The following CDH8 variants were observed in gnomAD, a reference collection of about 807,000 sequenced individuals.
CDH8 encodes the protein cadherin 8, also known as cadherin-8.
CDH8 carries 17 observed loss-of-function variants against 68.1 expected under a neutral mutation model. The ratio of observed to expected loss-of-function variants is 0.25; its 90% CI spans 0.17 to 0.37. The LOEUF is 0.37. Ranked by LOEUF, CDH8 falls within the 10% of genes least tolerant of loss-of-function variation. The probability of loss-of-function intolerance (pLI) is 1.00; values close to 1 mark genes in which losing one functional copy is unlikely to be tolerated. For missense variants in CDH8, 763 were observed against 999.3 expected (o/e 0.76, Z 3.19); for synonymous variants, 372 against 365.1 (o/e 1.02, Z -0.21).
intron 3 of CDH8, among the ~76,000 whole-genome samples, chr16:61,898,084 G>C (rs890307751): frequency 2.0e-5 from 3 of 152,028 alleles, no homozygotes; most frequent in Non-Finnish European, 2.9e-5. Flanking sequence ...GGCAGATCAC[G>C]AGGTCAGGAG....
intron 2 of CDH8, among the ~76,000 whole-genome samples, chr16:61,956,407 C>G (rs1022678514): frequency 1.3e-5 from 2 of 151,862 alleles, no homozygotes; most frequent in Admixed American, 6.6e-5. Flanking sequence ...CTCAAATAAC[C>G]ACTAACTCCA....
At chr16:61,842,074 A>AT (rs1962696647) in intron 4 of CDH8, among the ~76,000 whole-genome samples, 2 of 79,890 alleles carry the variant, frequency 2.5e-5, no homozygotes, top group Admixed American at 1.3e-4. Flanking sequence ...TTTTTTTTGT[A>AT]TTTTTTGTAT....
At position 61,824,332 on chromosome 16, in the gene CDH8, A is replaced by T. The variant is rs910405311; in HGVS notation, c.835+680T>A. ...CACCTTGTTCCAACTAATTGTTTTC[A>T]CTTTTTCATGTTTCAATTCAAGAGT... On this transcript the variant is annotated intron_variant, in intron 5 of 11. Transcript: ENST00000577390. Among the ~76,000 whole-genome samples the T allele has an allele frequency of 2.6e-5, 4 of 151,880 alleles. No individual in the cohort carries two copies. The East Asian group carries it at 7.8e-4, about 30-fold the overall frequency.
intron 2 of CDH8, among the ~76,000 whole-genome samples, chr16:61,916,849 T>C (rs1192072817): frequency 6.6e-6 from 1 of 152,182 alleles, no homozygotes; most frequent in East Asian, 1.9e-4. Flanking sequence ...TAAAAGACTG[T>C]CAGAAACACC....
chr16:61,783,578 T>A (rs376240923), intron 8 of CDH8, among the ~76,000 whole-genome samples: 1 of 150,224 alleles, frequency 6.7e-6, no homozygotes, highest in Non-Finnish European at 1.5e-5. Flanking sequence ...ATTCAGGAAA[T>A]ACAGAGAACG....
chr16:61,745,853 C>T (rs1960008622), intron 8 of CDH8, among the ~76,000 whole-genome samples: 1 of 151,932 alleles, frequency 6.6e-6, no homozygotes, highest in African/African-American at 2.4e-5. Context: ...CTGACTGTTG[C>T]AGGCCCACTC....
At chr16:61,761,906 G>A (rs1459892918) in intron 8 of CDH8, among the ~76,000 whole-genome samples, 4 of 152,036 alleles carry the variant, frequency 2.6e-5, no homozygotes, top group African/African-American at 9.7e-5. Flanking sequence ...AGGCTGAGGT[G>A]GGAGGATCAC....
intron 4 of CDH8, among the ~76,000 whole-genome samples, chr16:61,838,177 G>T (rs140324524): frequency 2.9e-3 from 442 of 152,076 alleles, no homozygotes; most frequent in Non-Finnish European, 4.3e-3. Flanking sequence ...TCCTTCTCTA[G>T]ATTTTTAAAG....
chr16:61,709,670 T>C (rs549290243), intron 10 of CDH8, among the ~76,000 whole-genome samples: 5 of 152,068 alleles, frequency 3.3e-5, no homozygotes, highest in African/African-American at 7.2e-5. Flanking sequence ...ATCCCAACAA[T>C]TGGAAACTAC....
intron 4 of CDH8, among the ~76,000 whole-genome samples, chr16:61,847,908 AACAC>A (rs142042812): frequency 0.2 from 30,378 of 150,302 alleles, 3,361 homozygotes; most frequent in African/African-American, 0.31. Context: ...CACACAGACA[AACAC>A]ACACACACAC....
chr16:61,706,090 C>T (rs1418974274), intron 10 of CDH8, among the ~76,000 whole-genome samples: 1 of 152,150 alleles, frequency 6.6e-6, no homozygotes, highest in Non-Finnish European at 1.5e-5. Context: ...CCTCAGAAGA[C>T]AGTGGGGAAA....
chr16:61,764,389 C>T (rs1960539462), intron 8 of CDH8, among the ~76,000 whole-genome samples: 1 of 152,104 alleles, frequency 6.6e-6, no homozygotes, highest in African/African-American at 2.4e-5. Flanking sequence ...AGTACTTGTC[C>T]TCTCTTCCAC....
At chr16:61,751,239 T>C (rs984358604) in intron 8 of CDH8, among the ~76,000 whole-genome samples, 1 of 151,914 alleles carries the variant, frequency 6.6e-6, no homozygotes, top group Non-Finnish European at 1.5e-5. Flanking sequence ...CTCTTGCAGT[T>C]ATGCAACATA....
chr16:61,762,099 C>G (rs1343529424), intron 8 of CDH8, among the ~76,000 whole-genome samples: 1 of 152,164 alleles, frequency 6.6e-6, no homozygotes, highest in East Asian at 1.9e-4. Flanking sequence ...CGGAGGTAGG[C>G]AGATATGGTG....
chr16:61,833,732 C>T lies in CDH8; in HGVS notation c.668-8553G>A, dbSNP rs557434787. On this transcript the variant is annotated intron_variant, in intron 4 of 11. Transcript: ENST00000577390. ...ATACTTTGGTTCCTCCACAATTTTGCGTGGATAATACAGTCTAGAACACAC... is the reference window on the plus strand; with the variant it reads ...ATACTTTGGTTCCTCCACAATTTTGTGTGGATAATACAGTCTAGAACACAC... 3.3e-5 allele frequency among the ~76,000 whole-genome samples: 5 copies of T among 151,952 alleles called. No homozygotes were observed. The East Asian group carries it at 5.8e-4, about 18-fold the overall frequency.
intron 2 of CDH8, among the ~76,000 whole-genome samples, chr16:61,960,629 C>T (rs1360219007): frequency 6.6e-6 from 1 of 152,088 alleles, no homozygotes; most frequent in Non-Finnish European, 1.5e-5. Context: ...AATAACTGAG[C>T]AAATGGATGA....
At chr16:61,676,787 A>C (rs757801977) in intron 10 of CDH8, among the ~76,000 whole-genome samples, 5 of 152,086 alleles carry the variant, frequency 3.3e-5, no homozygotes, top group Non-Finnish European at 7.4e-5. Context: ...GTCATCCTAA[A>C]AATAAAAAAT....
chr16:61,964,284 A>G (rs996568047), intron 2 of CDH8, among the ~76,000 whole-genome samples: 2 of 152,190 alleles, frequency 1.3e-5, no homozygotes, highest in African/African-American at 4.8e-5. Flanking sequence ...ATTCCAGTTC[A>G]GGGTTGAGGA....
chr16:61,730,793 G>T (rs75831217), intron 8 of CDH8, among the ~76,000 whole-genome samples: 1 of 151,420 alleles, frequency 6.6e-6, no homozygotes, highest in African/African-American at 2.4e-5. Flanking sequence ...AATTTCTCTA[G>T]TTATCCCTCA....
Sources: gnomAD v4.1 joint callset for allele counts (sites outside exome capture counted in the v4.1 genomes callset) on GRCh38, gnomAD v4.1.1 for gene constraint, MANE v1.5 for transcripts, NCBI Gene and HGNC (gene_info 2026-07-23, HGNC 2026-07-21) for gene names.